The following PDE11A variants were observed in gnomAD, a reference collection of about 807,000 sequenced individuals.
PDE11A encodes the protein dual 3',5'-cyclic-AMP and -GMP phosphodiesterase 11A.
PDE11A carries 100 observed loss-of-function variants against 100.5 expected under a neutral mutation model. That is an observed-to-expected ratio of 1.00 (90% CI 0.85 to 1.18). The LOEUF is 1.18. Among genes scored for constraint, PDE11A ranks in the 50% most tolerant of loss-of-function variants. PDE11A has a pLI of 0.00. For synonymous variants in PDE11A, 381 were observed against 420.8 expected, an observed-to-expected ratio of 0.91 and a Z score of 1.16; for missense variants, 1,141 against 1,152.6, an observed-to-expected ratio of 0.99 and a Z score of 0.15.
chr2:178,011,722 G>A (rs2086276227), intron 2 of PDE11A, among the ~76,000 whole-genome samples: 2 of 152,176 alleles, frequency 1.3e-5, no homozygotes, highest in Admixed American at 6.5e-5. Flanking sequence ...AACTTACTAA[G>A]TCCTAAGTTC....
intron 13 of PDE11A, among the ~76,000 whole-genome samples, chr2:177,709,549 T>C (rs2081328208): frequency 6.6e-6 from 1 of 152,134 alleles, no homozygotes; most frequent in South Asian, 2.1e-4. Flanking sequence ...AATAAGTGCC[T>C]GGAGATAAGC....
Position 177,895,122 on chromosome 2 carries a change from A to T in PDE11A, c.1302+2936T>A, listed in dbSNP as rs956985089. 5.2e-4 allele frequency among the ~76,000 whole-genome samples: 76 copies of T among 146,558 alleles called. 1 individual carries two copies. The highest frequency in any genetic ancestry group is 1.5e-3 in the African/African-American group (60 of 40,156). On this transcript the variant is annotated intron_variant, in intron 4 of 19. Coordinates refer to ENST00000286063, the MANE Select transcript of PDE11A (RefSeq NM_016953.4). ...CACATGTATACTTGAACTTAAAATT[A>T]AAAAAAAAAAGGAGTGAGTTTCATA...
chr2:177,806,352 C>T (rs552803798), intron 9 of PDE11A, among the ~76,000 whole-genome samples: 4 of 152,208 alleles, frequency 2.6e-5, no homozygotes, highest in African/African-American at 9.6e-5. Flanking sequence ...GGTTGAAGGG[C>T]AAAGGGAAAT....
chr2:177,881,627 T>C (rs2105704594), intron 4 of PDE11A, among the ~76,000 whole-genome samples: 1 of 152,360 alleles, frequency 6.6e-6, no homozygotes, highest in Non-Finnish European at 1.5e-5. Flanking sequence ...TGTAAATTCA[T>C]CTGCCAGCCT....
At chr2:177,666,507 T>C (rs1359702055) in intron 18 of PDE11A, among the ~76,000 whole-genome samples, 1 of 152,236 alleles carries the variant, frequency 6.6e-6, no homozygotes, top group African/African-American at 2.4e-5. Flanking sequence ...CATTTTACAT[T>C]CCTGCTAACA....
chr2:178,102,398 T>A (rs967423550), intron 2 of PDE11A, among the ~76,000 whole-genome samples: 3 of 151,470 alleles, frequency 2.0e-5, no homozygotes, highest in Admixed American at 1.3e-4. Context: ...GTGCTGGGAT[T>A]ACAGGCGTAA....
chr2:177,936,475 A>G (rs2085273393), intron 2 of PDE11A, among the ~76,000 whole-genome samples: 1 of 152,246 alleles, frequency 6.6e-6, no homozygotes, highest in Admixed American at 6.5e-5. Flanking sequence ...CGTTTCACTT[A>G]TCAACTGCTC....
At chr2:177,667,234 A>G (rs1205539968) in intron 18 of PDE11A, among the ~76,000 whole-genome samples, 1 of 152,112 alleles carries the variant, frequency 6.6e-6, no homozygotes, top group Non-Finnish European at 1.5e-5. Context: ...ATTTTAATGA[A>G]GCTCAATTCA....
intron 2 of PDE11A, among the ~76,000 whole-genome samples, chr2:177,936,097 T>C (rs2085269014): frequency 6.6e-6 from 1 of 152,158 alleles, no homozygotes; most frequent in Non-Finnish European, 1.5e-5. Flanking sequence ...CAGAAAAAGA[T>C]GGGTGGAATG....
chr2:177,835,887 G>A (rs1021060855), intron 6 of PDE11A, among the ~76,000 whole-genome samples: 40 of 152,342 alleles, frequency 2.6e-4, no homozygotes, highest in African/African-American at 7.2e-4. Context: ...TCAAATTCTC[G>A]CTGGGCCTCA....
intron 19 of PDE11A, among the ~76,000 whole-genome samples, chr2:177,663,048 C>T (rs1547582): frequency 0.77 from 117,661 of 152,204 alleles, 46,141 homozygotes; most frequent in East Asian, 0.89. Flanking sequence ...CTCAGTCTGA[C>T]TGAGCTAGGT....
At chr2:177,891,993 T>C (rs192674529) in intron 4 of PDE11A, among the ~76,000 whole-genome samples, 2 of 152,332 alleles carry the variant, frequency 1.3e-5, no homozygotes, top group East Asian at 3.9e-4. Flanking sequence ...TGTACCTTTC[T>C]CTGGTAGAGA....
intron 2 of PDE11A, among the ~76,000 whole-genome samples, chr2:177,944,660 G>T (rs1386174660): frequency 6.6e-6 from 1 of 152,132 alleles, no homozygotes; most frequent in African/African-American, 2.4e-5. Flanking sequence ...CTTAATTTTA[G>T]AAGTTCCTCA....
intron 10 of PDE11A, among the ~76,000 whole-genome samples, chr2:177,749,023 A>G (rs1054952920): frequency 1.8e-4 from 28 of 152,358 alleles, no homozygotes; most frequent in African/African-American, 6.0e-4. Flanking sequence ...TTTGTGCTTT[A>G]GAATTAGACA....
At chr2:178,022,145 C>G (rs1416002697) in intron 1 of PDE11A, among the ~76,000 whole-genome samples, 1 of 152,056 alleles carries the variant, frequency 6.6e-6, no homozygotes, top group Non-Finnish European at 1.5e-5. Context: ...TGAACCATCT[C>G]TGGGCTGGGA....
chr2:177,835,334 C>T (rs1382637886), intron 6 of PDE11A, among the ~76,000 whole-genome samples: 3 of 152,168 alleles, frequency 2.0e-5, no homozygotes, highest in Non-Finnish European at 2.9e-5. Context: ...CAGGGGGGCT[C>T]CTTAGAGAAA....
At position 177,628,935 on chromosome 2, in the gene PDE11A, T is replaced by C. The variant is rs1447963099; in HGVS notation, c.*472A>G. On this transcript the variant is annotated 3_prime_UTR_variant, in exon 20 of 20. Coordinates refer to ENST00000286063, the MANE Select transcript of PDE11A (RefSeq NM_016953.4). ...TTAAAAATAAAATACCTCTATGGAATACAAATTAGGATTCTTGGGACAGTC... is the reference window on the plus strand; with the variant it reads ...TTAAAAATAAAATACCTCTATGGAACACAAATTAGGATTCTTGGGACAGTC... The C allele has an allele frequency of 5.0e-6, 1 of 198,562 alleles. No individual in the cohort carries two copies. The highest frequency in any genetic ancestry group is 1.2e-4 in the East Asian group (1 of 8,036). 12.3% of individuals were successfully genotyped at this position (198,562 alleles called of 1,614,324 possible).
chr2:177,927,484 T>C lies in PDE11A; in HGVS notation c.1072-22297A>G, dbSNP rs150305080. The stretch of plus-strand genomic sequence containing the variant: ...ACAAAACTCTCATTACACTCCAGGA[T>C]ACCAGACTGTTGGTTCACATTGTCA... On this transcript the variant is annotated intron_variant, in intron 2 of 19. Coordinates refer to ENST00000286063, the MANE Select transcript of PDE11A (RefSeq NM_016953.4). Among the ~76,000 whole-genome samples, 3 of 152,362 alleles carry C rather than the reference T, an allele frequency of 2.0e-5. No homozygotes were observed. The East Asian group carries it at 5.8e-4, about 29-fold the overall frequency.
At chr2:177,701,350 T>C in intron 13 of PDE11A, 139 bp from the exon 14 acceptor site, 1 of 684,706 alleles carries the variant, frequency 1.5e-6, no homozygotes, top group Non-Finnish European at 2.7e-6. Context: ...TTGTAGTCCA[T>C]TCATCTATGA....
Sources: allele counts gnomAD v4.1 joint callset (sites outside exome capture counted in the v4.1 genomes callset), GRCh38; gene constraint gnomAD v4.1.1; transcripts MANE v1.5; gene names NCBI Gene and HGNC (gene_info 2026-07-23, HGNC 2026-07-21).